Variants in PTPRD observed in about 807,000 individuals in gnomAD.
PTPRD encodes protein tyrosine phosphatase receptor type D, also known as receptor-type tyrosine-protein phosphatase delta.
In PTPRD, 34 loss-of-function variants were observed where a neutral mutation model predicts 214.5. The ratio of observed to expected loss-of-function variants is 0.16; its 90% CI spans 0.12 to 0.21. The LOEUF (loss-of-function observed/expected upper bound fraction) is 0.21. Among genes scored for constraint, PTPRD ranks in the 10% least tolerant of loss-of-function variants. PTPRD has a pLI of 1.00. For missense variants in PTPRD, 2,545 were observed against 2,398.7 expected (o/e 1.06, Z -1.27); for synonymous variants, 1,128 against 845.7 (o/e 1.33, Z -5.79).
intron 10 of PTPRD, among the ~76,000 whole-genome samples, chr9:9,027,273 C>T (rs1288219297): frequency 6.6e-6 from 1 of 151,704 alleles, no homozygotes; most frequent in African/African-American, 2.4e-5. Context: ...TAGCAATAAT[C>T]TTAATTTTAA....
chr9:9,167,794 C>T (rs1255826531), intron 10 of PTPRD, among the ~76,000 whole-genome samples: 1 of 152,034 alleles, frequency 6.6e-6, no homozygotes, highest in Non-Finnish European at 1.5e-5. Context: ...TCATTGTTTT[C>T]ATCTACAAAA....
intron 10 of PTPRD, among the ~76,000 whole-genome samples, chr9:9,170,943 G>A (rs778103165): frequency 6.6e-6 from 1 of 152,136 alleles, no homozygotes; most frequent in African/African-American, 2.4e-5. Context: ...GGTGACTGTG[G>A]TGCTTTCAAA....
At chr9:8,333,264 G>A (rs529159595) in intron 43 of PTPRD, among the ~76,000 whole-genome samples, 4 of 152,224 alleles carry the variant, frequency 2.6e-5, no homozygotes, top group African/African-American at 9.6e-5. Context: ...CAGAAGCTAG[G>A]TAATACAGAT....
At chr9:8,557,262 G>A (rs1055999657) in intron 14 of PTPRD, among the ~76,000 whole-genome samples, 2 of 151,882 alleles carry the variant, frequency 1.3e-5, no homozygotes, top group African/African-American at 4.8e-5. Flanking sequence ...ACTAATGAGA[G>A]CGAACTTCCT....
chr9:9,063,936 C>A (rs1471615325), intron 10 of PTPRD, among the ~76,000 whole-genome samples: 3 of 152,076 alleles, frequency 2.0e-5, no homozygotes, highest in African/African-American at 4.8e-5. Context: ...TATGACATGG[C>A]ATTAATTCAG....
chr9:9,930,105 G>C lies in PTPRD; in HGVS notation c.-368+8402C>G, dbSNP rs150544827. 5.8e-3 allele frequency among the ~76,000 whole-genome samples: 880 copies of C among 152,274 alleles called. 5 individuals are homozygous for C. The highest frequency in any genetic ancestry group is 0.02 in the African/African-American group (819 of 41,556). Reference sequence around the variant, plus strand: ...TATAGGAATACACTACTTAGGGCTGGGAGCTCCAGGAGTATCTACCTGAAG... The same window carrying C: ...TATAGGAATACACTACTTAGGGCTGCGAGCTCCAGGAGTATCTACCTGAAG... On this transcript the variant is annotated intron_variant, in intron 5 of 45. Coordinates refer to ENST00000381196, the MANE Select transcript of PTPRD (RefSeq NM_002839.4).
At chr9:9,180,161 G>A (rs10977550) in intron 10 of PTPRD, among the ~76,000 whole-genome samples, 22,091 of 150,730 alleles carry the variant, frequency 0.15, 2,086 homozygotes, top group Admixed American at 0.25. Flanking sequence ...TGTTTATTGC[G>A]GCACTATTCA....
chr9:9,026,419 C>T (rs1379139090), intron 10 of PTPRD, among the ~76,000 whole-genome samples: 1 of 151,826 alleles, frequency 6.6e-6, no homozygotes, highest in Non-Finnish European at 1.5e-5. Context: ...CAGAGAGCTA[C>T]CATGATAATA....
At chr9:8,320,873 CAG>C (rs1447372472) in intron 44 of PTPRD, among the ~76,000 whole-genome samples, 1 of 152,032 alleles carries the variant, frequency 6.6e-6, no homozygotes, top group Non-Finnish European at 1.5e-5. Context: ...ATGAGGGAAA[CAG>C]TGAATAATCT....
intron 6 of PTPRD, among the ~76,000 whole-genome samples, chr9:9,764,999 C>T (rs1411498264): frequency 6.6e-6 from 1 of 152,088 alleles, no homozygotes; most frequent in African/African-American, 2.4e-5. Flanking sequence ...TGATTAAGTC[C>T]CTGCCAAATG....
At chr9:9,818,615 A>T (rs2049576151) in intron 5 of PTPRD, among the ~76,000 whole-genome samples, 4 of 152,098 alleles carry the variant, frequency 2.6e-5, no homozygotes, top group Non-Finnish European at 5.9e-5. Flanking sequence ...AACAAACATT[A>T]TTATTCCAGT....
intron 3 of PTPRD, among the ~76,000 whole-genome samples, chr9:10,286,647 G>T (rs546725839): frequency 6.6e-6 from 1 of 152,140 alleles, no homozygotes; most frequent in South Asian, 2.1e-4. Flanking sequence ...TCCCGGGCTG[G>T]AGTGCAGTGG....
At chr9:9,836,433 A>G (rs927636006) in intron 5 of PTPRD, among the ~76,000 whole-genome samples, 1 of 152,154 alleles carries the variant, frequency 6.6e-6, no homozygotes, top group African/African-American at 2.4e-5. Flanking sequence ...AGTAACAGAG[A>G]TTAATGCAAA....
intron 5 of PTPRD, among the ~76,000 whole-genome samples, chr9:9,894,703 T>A (rs2074448980): frequency 6.6e-6 from 1 of 152,102 alleles, no homozygotes; most frequent in Non-Finnish European, 1.5e-5. Flanking sequence ...ATGAGCTAAA[T>A]AATATCTCTC....
At chr9:8,988,918 T>C (rs1589374500) in intron 11 of PTPRD, among the ~76,000 whole-genome samples, 1 of 152,130 alleles carries the variant, frequency 6.6e-6, no homozygotes, top group South Asian at 2.1e-4. Context: ...TGAATGAATG[T>C]AAATTGACGC....
At chr9:10,505,488 G>C (rs1331902974) in intron 2 of PTPRD, among the ~76,000 whole-genome samples, 1 of 152,138 alleles carries the variant, frequency 6.6e-6, no homozygotes, top group Non-Finnish European at 1.5e-5. Flanking sequence ...CAGCTACGAA[G>C]CTCTCACCTG....
intron 3 of PTPRD, among the ~76,000 whole-genome samples, chr9:10,296,699 G>T (rs1442541076): frequency 7.9e-5 from 12 of 152,114 alleles, no homozygotes; most frequent in African/African-American, 2.2e-4. Flanking sequence ...GCACAGGAAG[G>T]GACACCTCAG....
intron 8 of PTPRD, among the ~76,000 whole-genome samples, chr9:9,427,760 A>G (rs1157953364): frequency 1.3e-5 from 2 of 152,210 alleles, no homozygotes; most frequent in African/African-American, 4.8e-5. Flanking sequence ...CCACTACTCA[A>G]CATGCTTAAA....
chr9:9,567,610 G>C (rs2084978175), intron 8 of PTPRD, among the ~76,000 whole-genome samples: 1 of 151,902 alleles, frequency 6.6e-6, no homozygotes, highest in South Asian at 2.1e-4. Flanking sequence ...ATTCAAGAAG[G>C]ATGTAGTACA....
Sources: allele counts gnomAD v4.1 joint callset (sites outside exome capture counted in the v4.1 genomes callset), GRCh38; gene constraint gnomAD v4.1.1; transcripts MANE v1.5; gene names NCBI Gene and HGNC (gene_info 2026-07-23, HGNC 2026-07-21).